APC: variants seen among roughly 807,000 people sequenced by gnomAD.
APC encodes the protein adenomatous polyposis coli protein.
Under a neutral mutation model 247.0 loss-of-function variants are expected in APC, and 72 were observed. The observed-to-expected ratio is 0.29, with a 90% CI of 0.24 to 0.35. APC has a LOEUF of 0.35. Among genes scored for constraint, APC ranks in the 10% least tolerant of loss-of-function variants. APC has a pLI of 1.00. For missense variants in APC, 3,400 were observed against 3,360.7 expected, an observed-to-expected ratio of 1.01 and a Z score of -0.29; for synonymous variants, 1,254 against 1,162.5, an observed-to-expected ratio of 1.08 and a Z score of -1.60.
chr5:112,799,364 A>G (rs999504260), intron 7 of APC, among the ~76,000 whole-genome samples: 53 of 152,014 alleles, frequency 3.5e-4, no homozygotes, highest in African/African-American at 1.1e-3. Flanking sequence ...TGTGTGAGCT[A>G]AGGAATGTAG....
intron 2 of APC, among the ~76,000 whole-genome samples, chr5:112,755,868 G>A (rs577731106): frequency 3.3e-5 from 5 of 151,872 alleles, no homozygotes; most frequent in South Asian, 4.2e-4. Context: ...CCAGCTCTTA[G>A]TGAGGCAGAG....
rs746961162 is a variant in APC, at chr5:112,843,822, A to G, written c.8228A>G (p.Asn2743Ser). 5.6e-6 allele frequency: 9 copies of G among 1,613,996 alleles called. No homozygotes were observed. Among genetic ancestry groups the G allele is most frequent in the East Asian group, 2.2e-5 (1 of 44,890 alleles). ...GGAACTGAGATAAAACCAGGACAAA[A>G]TAATCCTGTCCCTGTATCAGAGACT... Reference protein sequence around the residue: ...QKGTEIKPGQNNPVPVSETNE... With the variant: ...QKGTEIKPGQSNPVPVSETNE... The change falls in exon 16 of 16, where the codon AAT (asparagine) becomes AGT (serine). Residue 2743 changes from asparagine to serine, a missense_variant. Coordinates refer to ENST00000257430, the MANE Select transcript of APC (RefSeq NM_000038.6). The surrounding 1 kb of genome is among the most constrained non-coding windows in gnomAD (Gnocchi z 4.8).
At chr5:112,755,858 C>A (rs780683396) in intron 2 of APC, among the ~76,000 whole-genome samples, 22 of 151,944 alleles carry the variant, frequency 1.4e-4, no homozygotes, top group Non-Finnish European at 2.6e-4. Flanking sequence ...GCCTGTAATC[C>A]CAGCTCTTAG....
chr5:112,749,502 TG>T (rs1289534372), intron 1 of APC, among the ~76,000 whole-genome samples: 4,213 of 146,408 alleles, frequency 0.029, 175 homozygotes, highest in African/African-American at 0.1. Flanking sequence ...TTTTTTTTTT[TG>T]ATATGGAGTC....
chr5:112,834,273 G>C (rs754799877), intron 14 of APC, among the ~76,000 whole-genome samples: 1 of 119,128 alleles, frequency 8.4e-6, no homozygotes, highest in Non-Finnish European at 1.6e-5. Context: ...AAAGAGTTTC[G>C]CTCTGTCAGC....
rs558822513 is a variant in APC, at chr5:112,739,174, A to G, written c.-19+1249A>G. On this transcript the variant is annotated intron_variant, in intron 1 of 15. Transcript: ENST00000257430. Reference sequence around the variant, plus strand: ...TAAAGCAACATGGCTTTTCTTCTAGATGTATTTCTGTTTAGTGAGTACTCA... The same window carrying G: ...TAAAGCAACATGGCTTTTCTTCTAGGTGTATTTCTGTTTAGTGAGTACTCA... 2.0e-5 allele frequency among the ~76,000 whole-genome samples: 3 copies of G among 152,270 alleles called. No individual in the cohort carries two copies. In the South Asian group the frequency reaches 6.2e-4, roughly 32 times the overall value.
intron 13 of APC, 60 bp downstream of exon 13, chr5:112,828,066 A>G: frequency 2.1e-6 from 3 of 1,407,566 alleles, no homozygotes; most frequent in Non-Finnish European, 2.0e-6. Flanking sequence ...GCAGGGTCTC[A>G]CTCTGTCACC....
At position 112,783,630 on chromosome 5, in the gene APC, C is replaced by CAA. The variant is rs563801773; in HGVS notation, c.645+2744_645+2745dup. On this transcript the variant is annotated intron_variant, in intron 6 of 15. Coordinates refer to ENST00000257430, the MANE Select transcript of APC (RefSeq NM_000038.6). ...CAAGATAGCAAGACCCTGCCTCTAC[C>CAA]AAAAAAAAAAAAAAAAAAGCTGAGT... 3.1e-3 allele frequency: 249 copies of CAA among 80,632 alleles called. 1 individual carries two copies. The highest frequency in any genetic ancestry group is 4.4e-3 in the Non-Finnish European group (172 of 39,520). The allele number at this position is 80,632 out of a possible 1,614,324, so 5.0% of individuals were successfully genotyped here. A position where few individuals can be genotyped will look rare whatever the true frequency, so the allele number is the denominator to read the frequency against.
chr5:112,751,263 A>T (rs983095958), intron 1 of APC, among the ~76,000 whole-genome samples: 56 of 152,170 alleles, frequency 3.7e-4, no homozygotes, highest in Non-Finnish European at 6.0e-4. Flanking sequence ...AACTACATTT[A>T]TATGGTTTTA....
intron 6 of APC, among the ~76,000 whole-genome samples, chr5:112,783,496 G>A (rs1758582963): frequency 6.6e-6 from 1 of 151,804 alleles, no homozygotes; most frequent in Admixed American, 6.6e-5. Flanking sequence ...CAAATCAATT[G>A]AAAATGGTCA....
chr5:112,842,432 T>C lies in APC; in HGVS notation c.6838T>C (p.Ser2280Pro), dbSNP rs777950722. Residue 2280 changes from serine to proline, a missense_variant, in exon 16 of 16, where the codon TCA (serine) becomes CCA (proline). Physicochemically the swap from Ser to Pro is moderately conservative, Grantham distance 74. Coordinates refer to ENST00000257430, the MANE Select transcript of APC (RefSeq NM_000038.6). ...TAGAGGAGCCAAGCCATCTGTGAAA[T>C]CAGAATTAAGCCCTGTTGCCAGGCA... Reference protein sequence around the residue: ...SPRGAKPSVKSELSPVARQTS... With the variant: ...SPRGAKPSVKPELSPVARQTS... 5.0e-6 allele frequency: 8 copies of C among 1,613,970 alleles called. No homozygotes were observed. The South Asian group carries it at 7.7e-5, about 16-fold the overall frequency.
At chr5:112,835,419 G>A (rs1764784139) in intron 15 of APC, among the ~76,000 whole-genome samples, 1 of 152,034 alleles carries the variant, frequency 6.6e-6, no homozygotes, top group Non-Finnish European at 1.5e-5. Context: ...GGAAAAAATA[G>A]TCACAAATAT....
At chr5:112,836,009 C>CTTTTTTTTTTT (rs371484714) in intron 15 of APC, among the ~76,000 whole-genome samples, 1 of 106,342 alleles carries the variant, frequency 9.4e-6, no homozygotes, top group Non-Finnish European at 1.8e-5. Flanking sequence ...ATACAACTGT[C>CTTTTTTTTTTT]TTTTTTTTTT....
chr5:112,800,143 C>A (rs1257295683), intron 7 of APC, among the ~76,000 whole-genome samples: 1 of 152,114 alleles, frequency 6.6e-6, no homozygotes, highest in East Asian at 1.9e-4. Context: ...CACTGTATTC[C>A]CCAGCATCTA....
rs551790937 is a variant in APC, at chr5:112,731,165, T to C, written c.165+23283T>C. ...GTTGTTAGTAATTGTTGAGGTTTTT[T>C]CTAACATTTCAGTAGTACAAGTAAT... On this transcript the variant is annotated intron_variant, in intron 1 of 13. Transcript: ENST00000507379. Among the ~76,000 whole-genome samples, 156 of 152,072 alleles carry C rather than the reference T, an allele frequency of 1.0e-3. 1 individual carries two copies. Among genetic ancestry groups the C allele is most frequent in the African/African-American group, 3.7e-3 (153 of 41,474 alleles).
intron 8 of APC, among the ~76,000 whole-genome samples, chr5:112,811,882 A>G (rs1021975615): frequency 2.6e-5 from 4 of 152,144 alleles, no homozygotes; most frequent in African/African-American, 9.7e-5. Flanking sequence ...CTCCCACAAG[A>G]CTTAAGGGTA....
Position 112,825,693 on chromosome 5 carries a change from A to G in APC, c.1409-1415A>G, listed in dbSNP as rs182079765. On this transcript the variant is annotated intron_variant, in intron 11 of 15. Transcript: ENST00000257430. ...ATAGTGGCACCCTGTCTCTACCAAA[A>G]TAAAAATAAAAAGAAAGATACACAT... 1.2e-4 allele frequency among the ~76,000 whole-genome samples: 18 copies of G among 152,344 alleles called. No homozygotes were observed. The East Asian group carries it at 3.1e-3, about 26-fold the overall frequency.
chr5:112,830,939 A>G (rs557859206), intron 14 of APC, among the ~76,000 whole-genome samples: 2 of 152,178 alleles, frequency 1.3e-5, no homozygotes, highest in Non-Finnish European at 2.9e-5. Context: ...CTGTTCTTCA[A>G]TTATATTTCA....
intron 1 of APC, among the ~76,000 whole-genome samples, chr5:112,724,115 AAAAT>A (rs1384697516): frequency 2.0e-5 from 3 of 152,216 alleles, no homozygotes; most frequent in Non-Finnish European, 4.4e-5. Context: ...TAAAGATGAA[AAAAT>A]AAATCAGAAG....
Sources: gnomAD v4.1 joint callset for allele counts (sites outside exome capture counted in the v4.1 genomes callset) on GRCh38, gnomAD v4.1.1 for gene constraint, Gnocchi (gnomAD v3.1) non-coding constraint, MANE v1.5 for transcripts, NCBI Gene and HGNC (gene_info 2026-07-23, HGNC 2026-07-21) for gene names.